The following HSF4 variants were observed in gnomAD, a reference collection of about 807,000 sequenced individuals.
HSF4 encodes heat shock transcription factor 4, also known as heat shock factor protein 4.
In HSF4, 41 loss-of-function variants were observed where a neutral mutation model predicts 52.0. The ratio of observed to expected loss-of-function variants is 0.79; its 90% CI spans 0.61 to 1.02. HSF4 has a LOEUF of 1.02. HSF4 is among the 50% of genes least tolerant of loss of function. The pLI is 0.00. For missense variants in HSF4, 610 were observed against 651.1 expected (o/e 0.94, Z 0.69); for synonymous variants, 285 against 273.0 (o/e 1.04, Z -0.43).
rs375514297 is a variant in HSF4, at chr16:67,165,808, C to A, written c.322C>A (p.Arg108Ser). Residue 108 changes from arginine to serine, a missense_variant, in exon 3 of 13, where the codon CGC becomes AGC. Physicochemically the swap from Arg to Ser is moderately radical, Grantham distance 110. Coordinates refer to ENST00000521374, the MANE Select transcript of HSF4 (RefSeq NM_001374675.1). The surrounding 1 kb of genome is among the most constrained non-coding windows in gnomAD (Gnocchi z 6.9). Reference sequence around the variant, plus strand: ...CGAGTTCCAGCACCCGAGCTTCGTGCGCGGCCGCGAGCAGCTACTGGAGCG... The same window carrying A: ...CGAGTTCCAGCACCCGAGCTTCGTGAGCGGCCGCGAGCAGCTACTGGAGCG... ...HVEFQHPSFV[R>S]GREQLLERVR... The A allele has an allele frequency of 2.0e-5, 32 of 1,607,852 alleles. No individual in the cohort carries two copies. The highest frequency in any genetic ancestry group is 6.7e-5 in the African/African-American group (5 of 74,918).
Position 67,169,226 on chromosome 16 carries a change from C to G in HSF4, c.1255-53C>G. ...ATTGTCACAGTGATTTCCCAGCTGTCCCCCTCAGCTGCTAGGTCCCCTCCC... is the reference window on the plus strand; with the variant it reads ...ATTGTCACAGTGATTTCCCAGCTGTGCCCCTCAGCTGCTAGGTCCCCTCCC... On this transcript the variant is annotated intron_variant, in intron 11 of 12. Coordinates refer to ENST00000521374, the MANE Select transcript of HSF4 (RefSeq NM_001374675.1). The surrounding 1 kb of genome is among the most constrained non-coding windows in gnomAD (Gnocchi z 4.3). 1 of 1,609,160 alleles carries G rather than the reference C, an allele frequency of 6.2e-7. No homozygotes were observed. Among genetic ancestry groups the G allele is most frequent in the African/African-American group, 1.3e-5 (1 of 74,970 alleles).
rs1368875582 is a variant in HSF4, at chr16:67,165,689, C to G, written c.233-30C>G. The G allele has an allele frequency of 5.6e-6, 9 of 1,611,790 alleles. No individual in the cohort carries two copies. Among genetic ancestry groups the G allele is most frequent in the South Asian group, 1.1e-5 (1 of 91,056 alleles). ...GGGGGACTCGGTGCCGGGGATGGGG[C>G]GACCCACGCCCCCACGCCCCACTCC... is the stretch of plus-strand genomic sequence containing the variant. On this transcript the variant is annotated intron_variant, in intron 2 of 12. Transcript: ENST00000521374. The surrounding 1 kb of genome is among the most constrained non-coding windows in gnomAD (Gnocchi z 6.9).
rs1202155431 is a variant in HSF4, at chr16:67,165,554, C to T, written c.156C>T (p.Ser52=). The T allele has an allele frequency of 1.2e-6, 2 of 1,613,294 alleles. No individual in the cohort carries two copies. Among genetic ancestry groups the T allele is most frequent in the Non-Finnish European group, 1.7e-6 (2 of 1,179,928 alleles). Residue 52 remains serine, a synonymous_variant, in exon 2 of 13, where the codon AGC becomes AGT. Coordinates refer to ENST00000521374, the MANE Select transcript of HSF4 (RefSeq NM_001374675.1). This position sits in a 1 kb window ranked among gnomAD's most constrained non-coding sequence, Gnocchi z 6.9. ...CCAGTTTCCTCGTAAGCGACCAGAG[C>T]CGTTTCGCCAAGGAAGTGCTGCCCC... ...SGTSFLVSDQ[S]RFAKEVLPQY...
chr16:67,169,723 T>C lies in HSF4; in HGVS notation c.1417T>C (p.Tyr473His), dbSNP rs771940453. The C allele has an allele frequency of 6.2e-7, 1 of 1,612,978 alleles. No homozygotes were observed. Among genetic ancestry groups the C allele is most frequent in the African/African-American group, 1.3e-5 (1 of 74,902 alleles). ...ALGLPGALTIYSTPESRTASY... is the reference protein window; with the variant it reads ...ALGLPGALTIHSTPESRTASY... ...GGGCCTGCCTGGGGCTTTAACCATT[T>C]ATAGCACTCCTGAGAGCCGGACTGC... Residue 473 changes from tyrosine to histidine, a missense_variant, in exon 13 of 13, where the codon TAT becomes CAT. Tyr to His is a moderately conservative substitution (Grantham distance 83). Coordinates refer to ENST00000521374, the MANE Select transcript of HSF4 (RefSeq NM_001374675.1). This position sits in a 1 kb window ranked among gnomAD's most constrained non-coding sequence, Gnocchi z 4.3.
Position 67,165,524 on chromosome 16 carries a change from C to T in HSF4, c.126C>T (p.Ser42=). The T allele has an allele frequency of 6.2e-7, 1 of 1,612,894 alleles. No homozygotes were observed. The highest frequency in any genetic ancestry group is 8.5e-7 in the Non-Finnish European group (1 of 1,179,780). ...TGGGCGGGCGGCGTTCTTGGTAGAG[C>T]GGGACCAGTTTCCTCGTAAGCGACC... is the stretch of plus-strand genomic sequence containing the variant. ...GTDHLIRWSP[S]GTSFLVSDQS... is the part of the protein sequence containing the mutation. The change falls in exon 2 of 13, where the codon AGC becomes AGT. Residue 42 remains serine, a splice_region_variant and synonymous_variant. Coordinates refer to ENST00000521374, the MANE Select transcript of HSF4 (RefSeq NM_001374675.1). The surrounding 1 kb of genome is among the most constrained non-coding windows in gnomAD (Gnocchi z 6.9).
Position 67,167,177 on chromosome 16 carries a change from C to A in HSF4, c.684C>A (p.Cys228Ter). ...SCPTPAKFNT[C>*]PLPGALLQDP... ...CAACACCTGCCAAGTTCAACACCTGCCCTCTACCTGGTGCCCTTCTGCAGG... is the reference window on the plus strand; with the variant it reads ...CAACACCTGCCAAGTTCAACACCTGACCTCTACCTGGTGCCCTTCTGCAGG... The change falls in exon 7 of 13, where the codon TGC becomes TGA. Residue 228 changes from cysteine to a stop codon, truncating the protein, a stop_gained. Transcript: ENST00000521374. LOFTEE classifies it high-confidence loss of function. 6.2e-7 allele frequency: 1 copy of A among 1,614,204 alleles called. No individual in the cohort carries two copies. Among genetic ancestry groups the A allele is most frequent in the Non-Finnish European group, 8.5e-7 (1 of 1,180,014 alleles).
In HSF4 at chr16:67,165,433, G is replaced by A. The variant is rs1403670095; in HGVS notation, c.124-89G>A. Reference sequence around the variant, plus strand: ...CCCAAGAGTGAGCATGAGTGTGTGCGCGCGCTGGAGCGCAGGACTGGCCGT... The same window carrying A: ...CCCAAGAGTGAGCATGAGTGTGTGCACGCGCTGGAGCGCAGGACTGGCCGT... On this transcript the variant is annotated intron_variant, in intron 1 of 12. Transcript: ENST00000521374. This position sits in a 1 kb window ranked among gnomAD's most constrained non-coding sequence, Gnocchi z 6.9. 2.5e-6 allele frequency: 3 copies of A among 1,185,318 alleles called. No individual in the cohort carries two copies. The highest frequency in any genetic ancestry group is 1.3e-6 in the Non-Finnish European group (1 of 794,884). The allele number at this position is 1,185,318 out of a possible 1,614,324, so 73.4% of individuals were successfully genotyped here.
chr16:67,168,898 C>T lies in HSF4; in HGVS notation c.1150C>T (p.Pro384Ser). 7 of 1,614,072 alleles carry T rather than the reference C, an allele frequency of 4.3e-6. No homozygotes were observed. The highest frequency in any genetic ancestry group is 5.1e-6 in the Non-Finnish European group (6 of 1,180,032). The change falls in exon 10 of 13, where the codon CCC becomes TCC. Residue 384 changes from proline (P) to serine (S), a missense_variant. Transcript: ENST00000521374. Reference sequence around the variant, plus strand: ...TCTGCTGCCTCCGATGCTGCTTCAGCCCCCTCAAGAAAGTGTGGAACCTGC... The same window carrying T: ...TCTGCTGCCTCCGATGCTGCTTCAGTCCCCTCAAGAAAGTGTGGAACCTGC... The part of the protein sequence containing the change: ...ESLLPPMLLQ[P>S]PQESVEPAGP...
rs930470940 is a variant in HSF4 at position 67,167,179 on chromosome 16, C to T, written c.686C>T (p.Pro229Leu). ...ACACCTGCCAAGTTCAACACCTGCC[C>T]TCTACCTGGTGCCCTTCTGCAGGAC... ...CPTPAKFNTCPLPGALLQDPY... is the reference protein window; with the variant it reads ...CPTPAKFNTCLLPGALLQDPY... The change falls in exon 7 of 13, where the codon CCT (proline) becomes CTT (leucine). Residue 229 changes from proline (P) to leucine (L), a missense_variant. Physicochemically the swap from Pro to Leu is moderately conservative, Grantham distance 98. Transcript: ENST00000521374. 64 of 1,614,096 alleles carry T rather than the reference C, an allele frequency of 4.0e-5. No individual in the cohort carries two copies. Among genetic ancestry groups the T allele is most frequent in the Non-Finnish European group, 4.7e-5 (56 of 1,180,032 alleles).
At chr16:67,164,376 G>GC (rs917273776), upstream of HSF4, 97 of 403,528 alleles carry the variant, frequency 2.4e-4, no homozygotes, top group African/African-American at 1.5e-3. Context: ...GTGCTTCCCT[G>GC]CCCCCCCTTC....
At position 67,169,743 on chromosome 16, in the gene HSF4, G is replaced by T. The variant is rs1398072014; in HGVS notation, c.1437G>T (p.Arg479=). ...CCATTTATAGCACTCCTGAGAGCCG[G>T]ACTGCCTCCTACTTGGGCCCGGAAG... ...ALTIYSTPES[R]TASYLGPEAS... is the part of the protein sequence containing the mutation. Residue 479 remains arginine (R), a synonymous_variant, in exon 13 of 13, where the codon CGG becomes CGT. Coordinates refer to ENST00000521374, the MANE Select transcript of HSF4 (RefSeq NM_001374675.1). The surrounding 1 kb of genome is among the most constrained non-coding windows in gnomAD (Gnocchi z 4.3). The T allele has an allele frequency of 6.2e-7, 1 of 1,613,048 alleles. No individual in the cohort carries two copies. The highest frequency in any genetic ancestry group is 8.5e-7 in the Non-Finnish European group (1 of 1,180,000).
Position 67,167,818 on chromosome 16 carries a change from T to A in HSF4, c.953T>A (p.Val318Glu). 1 of 1,593,886 alleles carries A rather than the reference T, an allele frequency of 6.3e-7. No individual in the cohort carries two copies. The highest frequency in any genetic ancestry group is 8.5e-7 in the Non-Finnish European group (1 of 1,170,954). Residue 318 changes from valine to glutamate, a missense_variant, in exon 9 of 13, where the codon GTG becomes GAG. Transcript: ENST00000521374. Reference protein sequence around the residue: ...ALAPNECDFCVTAPPPLPVAV... With the variant: ...ALAPNECDFCETAPPPLPVAV... Reference sequence around the variant, plus strand: ...GCCCCAAACGAGTGTGACTTCTGCGTGACAGCCCCCCCGCCACTGCCTGTG... The same window carrying A: ...GCCCCAAACGAGTGTGACTTCTGCGAGACAGCCCCCCCGCCACTGCCTGTG...
At chr16:67,163,929 C>A (rs534054261), upstream of HSF4, 2 of 1,476,112 alleles carry the variant, frequency 1.4e-6, no homozygotes, top group East Asian at 2.4e-5. Context: ...GGATTGTTGC[C>A]CCCCGGGTCT....
intron 9 of HSF4, among the ~76,000 whole-genome samples, 162 bp downstream of exon 9, chr16:67,168,109 C>A (rs1160305722): frequency 6.6e-6 from 1 of 152,248 alleles, no homozygotes; most frequent in East Asian, 1.9e-4. Flanking sequence ...CACTCAGCAT[C>A]TGCGGAAGGG....
At position 67,165,473 on chromosome 16, in the gene HSF4, C is replaced by A; in HGVS notation, c.124-49C>A. 6.4e-7 allele frequency: 1 copy of A among 1,553,472 alleles called. No individual in the cohort carries two copies. Among genetic ancestry groups the A allele is most frequent in the Non-Finnish European group, 8.9e-7 (1 of 1,126,680 alleles). On this transcript the variant is annotated intron_variant, in intron 1 of 12. Coordinates refer to ENST00000521374, the MANE Select transcript of HSF4 (RefSeq NM_001374675.1). This position sits in a 1 kb window ranked among gnomAD's most constrained non-coding sequence, Gnocchi z 6.9. ...GGACTGGCCGTGAGCGGGCACCGCTCACCCTCCTGGTCTCCGCCCGCACGG... is the reference window on the plus strand; with the variant it reads ...GGACTGGCCGTGAGCGGGCACCGCTAACCCTCCTGGTCTCCGCCCGCACGG...
chr16:67,169,614 A>C lies in HSF4; in HGVS notation c.1325-17A>C, dbSNP rs1220030922. 2 of 1,604,474 alleles carry C rather than the reference A, an allele frequency of 1.2e-6. No individual in the cohort carries two copies. The highest frequency in any genetic ancestry group is 1.1e-5 in the South Asian group (1 of 91,088). On this transcript the variant is annotated splice_polypyrimidine_tract_variant and intron_variant, in intron 12 of 12. Transcript: ENST00000521374. This position sits in a 1 kb window ranked among gnomAD's most constrained non-coding sequence, Gnocchi z 4.3. The stretch of plus-strand genomic sequence containing the variant: ...GGGGAACATTTCCCCTGGTGAGCGC[A>C]GTCCCACTTCTCCTAGGGAAGGACC...
chr16:67,165,867 T>A lies in HSF4; in HGVS notation c.360+21T>A, dbSNP rs762078910. On this transcript the variant is annotated intron_variant, in intron 3 of 12. Transcript: ENST00000521374. This position sits in a 1 kb window ranked among gnomAD's most constrained non-coding sequence, Gnocchi z 6.9. ...GCAAGGTGGGGGCGGCCTGCGGGAA[T>A]GAGCAAAGAGGAGGAGGGGTGCTGG... 12 of 1,599,206 alleles carry A rather than the reference T, an allele frequency of 7.5e-6. No individual in the cohort carries two copies. The highest frequency in any genetic ancestry group is 1.3e-5 in the African/African-American group (1 of 74,956).
intron 9 of HSF4, 95 bp downstream of exon 9, chr16:67,168,042 C>A: frequency 9.7e-7 from 1 of 1,032,984 alleles, no homozygotes; most frequent in Non-Finnish European, 1.5e-6. Context: ...TGATACTCAC[C>A]TGATTTCTTG....
chr16:67,168,697 G>A, intron 9 of HSF4, 134 bp from the exon 10 acceptor site: 1 of 717,578 alleles, frequency 1.4e-6, no homozygotes, highest in South Asian at 1.6e-5. Context: ...GGGAGGTTGG[G>A]GGTGGAGAGA....
Sources: allele counts gnomAD v4.1 joint callset (sites outside exome capture counted in the v4.1 genomes callset), GRCh38; gene constraint gnomAD v4.1.1; non-coding constraint Gnocchi (gnomAD v3.1); transcripts MANE v1.5; gene names NCBI Gene and HGNC (gene_info 2026-07-23, HGNC 2026-07-21).